B9D1: variants seen among roughly 807,000 people sequenced by gnomAD.
The protein encoded by B9D1 is B9 domain-containing protein 1.
Under a neutral mutation model 26.1 loss-of-function variants are expected in B9D1, and 20 were observed. The ratio of observed to expected loss-of-function variants is 0.77; its 90% CI spans 0.54 to 1.12. The LOEUF is 1.12. B9D1 is among the 50% of genes most tolerant of loss of function. The pLI, the probability that B9D1 is intolerant of heterozygous loss-of-function variation, is 0.00. For synonymous variants in B9D1, 105 were observed against 103.1 expected (o/e 1.02, Z -0.11); for missense variants, 260 against 273.7 (o/e 0.95, Z 0.35).
At chr17:19,360,193 G>T in intron 2 of B9D1, 127 bp downstream of exon 2, 2 of 879,342 alleles carry the variant, frequency 2.3e-6, no homozygotes, top group South Asian at 1.4e-5. Flanking sequence ...GAACACTCAT[G>T]TTTGGGTTCC....
downstream of B9D1, among the ~76,000 whole-genome samples, chr17:19,339,221 T>TTTTAGATTG (rs1907703600): frequency 6.6e-6 from 1 of 152,328 alleles, no homozygotes; most frequent in East Asian, 1.9e-4. Context: ...TGCTAATTTT[T>TTTTAGATTG]TTTAGATTGT....
chr17:19,340,037 C>G (rs993348495), downstream of B9D1, among the ~76,000 whole-genome samples: 1 of 21,546 alleles, frequency 4.6e-5, no homozygotes, highest in Non-Finnish European at 4.7e-4. Context: ...TGCCCAACCC[C>G]CCCCCCCCCC....
chr17:19,376,564 G>A (rs570363601), intron 1 of B9D1, among the ~76,000 whole-genome samples: 5 of 142,598 alleles, frequency 3.5e-5, no homozygotes, highest in African/African-American at 5.2e-5. Context: ...TGGATGACTT[G>A]AGGTCAGGAG....
In B9D1 at chr17:19,343,272, G is replaced by A. The variant is rs200124070; in HGVS notation, c.*47C>T. The stretch of plus-strand genomic sequence containing the variant: ...AGGCCGATGGGCAGCGGCTGACTTC[G>A]GGAAGGCAGCCCTTCATTATCAGAG... On this transcript the variant is annotated 3_prime_UTR_variant, in exon 7 of 7. Coordinates refer to ENST00000261499, the MANE Select transcript of B9D1 (RefSeq NM_015681.6). 217 of 1,612,846 alleles carry A rather than the reference G, an allele frequency of 1.3e-4. No individual in the cohort carries two copies. In the East Asian group the frequency reaches 2.7e-3, roughly 20 times the overall value.
intron 2 of B9D1, 137 bp from the exon 3 acceptor site, chr17:19,358,088 G>T: frequency 1.4e-6 from 1 of 709,440 alleles, no homozygotes; most frequent in Admixed American, 2.0e-5. Context: ...TCCAAACAAA[G>T]GGGACTAAGA....
intron 3 of B9D1, among the ~76,000 whole-genome samples, chr17:19,352,079 T>A (rs1426191453): frequency 6.6e-6 from 1 of 151,958 alleles, no homozygotes; most frequent in Admixed American, 6.6e-5. Context: ...AGAGACAGGG[T>A]CTCACCATGT....
intron 3 of B9D1, among the ~76,000 whole-genome samples, chr17:19,355,182 A>C (rs566657891): frequency 6.6e-6 from 1 of 152,246 alleles, no homozygotes; most frequent in Non-Finnish European, 1.5e-5. Context: ...TAATCTGCTG[A>C]ATTCCTGCTT....
At position 19,343,375 on chromosome 17, in the gene B9D1, G is replaced by A. The variant is rs969720058; in HGVS notation, c.559C>T (p.Pro187Ser). 5.6e-6 allele frequency: 9 copies of A among 1,614,048 alleles called. No homozygotes were observed. Among genetic ancestry groups the A allele is most frequent in the Non-Finnish European group, 7.6e-6 (9 of 1,180,026 alleles). ...CCCAACACACCCTGTGTATCAGAAGGCCCAGTGTCATAGCCCAGTTTCCTC... is the reference window on the plus strand; with the variant it reads ...CCCAACACACCCTGTGTATCAGAAGACCCAGTGTCATAGCCCAGTTTCCTC... The part of the protein sequence containing the change: ...DMRKLGYDTG[P>S]SDTQGVLGPS... The change falls in exon 7 of 7, where the codon CCT (proline) becomes TCT (serine). Residue 187 changes from proline to serine, a missense_variant. Physicochemically the swap from Pro to Ser is moderately conservative, Grantham distance 74. Transcript: ENST00000261499.
rs1367898769 is a variant in B9D1, at chr17:19,347,171, G to C, written c.404+98C>G. On this transcript the variant is annotated intron_variant, in intron 5 of 6. Coordinates refer to ENST00000261499, the MANE Select transcript of B9D1 (RefSeq NM_015681.6). The surrounding 1 kb of genome is among the most constrained non-coding windows in gnomAD (Gnocchi z 4.3). ...TCCTCAGTGGGTGGAGCAGCTTGCA[G>C]ATCTGAGGAGGCGACCAGGCACAAA... The C allele has an allele frequency of 6.2e-6, 10 of 1,613,452 alleles. No individual in the cohort carries two copies. The highest frequency in any genetic ancestry group is 7.6e-6 in the Non-Finnish European group (9 of 1,179,678).
chr17:19,339,505 GTT>G (rs1683118592), downstream of B9D1, among the ~76,000 whole-genome samples: 1 of 152,162 alleles, frequency 6.6e-6, no homozygotes, highest in Non-Finnish European at 1.5e-5. Context: ...GCCAACAAGA[GTT>G]TGTTTTTTCT....
intron 3 of B9D1, among the ~76,000 whole-genome samples, chr17:19,354,527 T>C (rs948414921): frequency 1.3e-5 from 2 of 152,246 alleles, no homozygotes. Flanking sequence ...GTGTACTAGC[T>C]GCTTTCAAGA....
intron 2 of B9D1, among the ~76,000 whole-genome samples, chr17:19,358,217 G>A (rs979880093): frequency 6.6e-6 from 1 of 152,128 alleles, no homozygotes; most frequent in Non-Finnish European, 1.5e-5. Context: ...TTGCCCCACT[G>A]AAGGAATGGT....
At chr17:19,352,134 C>T (rs1265137754) in intron 3 of B9D1, among the ~76,000 whole-genome samples, 1 of 152,130 alleles carries the variant, frequency 6.6e-6, no homozygotes, top group African/African-American at 2.4e-5. Context: ...GATCCTACCG[C>T]CTCAGCCTCC....
upstream of B9D1, among the ~76,000 whole-genome samples, chr17:19,366,006 C>T (rs1334496157): frequency 1.3e-5 from 2 of 151,936 alleles, no homozygotes; most frequent in Admixed American, 6.6e-5. Context: ...CCTACCTATC[C>T]GCCCAGAGAA....
downstream of B9D1, among the ~76,000 whole-genome samples, chr17:19,342,572 C>A (rs915503032): frequency 6.6e-6 from 1 of 152,054 alleles, no homozygotes; most frequent in Non-Finnish European, 1.5e-5. Flanking sequence ...AGGGTCAGGG[C>A]CTCCCAAAGT....
At chr17:19,362,964 C>T (rs1911335294), upstream of B9D1, 1 of 326,840 alleles carries the variant, frequency 3.1e-6, no homozygotes, top group Non-Finnish European at 6.1e-6. Context: ...GAGCTGAGTC[C>T]TGGGGAGCAG....
At chr17:19,362,205 AG>A (rs989302225) in intron 1 of B9D1, among the ~76,000 whole-genome samples, 16 of 152,226 alleles carry the variant, frequency 1.1e-4, no homozygotes, top group Admixed American at 2.6e-4. Context: ...TAACCCCAGG[AG>A]GCTCCTGCCA....
chr17:19,337,473 G>A (rs757330647), downstream of B9D1: 5 of 494,670 alleles, frequency 1.0e-5, no homozygotes, highest in South Asian at 1.4e-4. Flanking sequence ...TCTGCTCTCT[G>A]TGCAAGTGCC....
At position 19,343,440 on chromosome 17, in the gene B9D1, C is replaced by T. The variant is rs1191282778; in HGVS notation, c.494G>A (p.Gly165Asp). The change falls in exon 7 of 7, where the codon GGC (glycine) becomes GAC (aspartate). Residue 165 changes from glycine (G) to aspartate (D), a missense_variant. Physicochemically the swap from Gly to Asp is moderately conservative, Grantham distance 94 (BLOSUM62 -1). Coordinates refer to ENST00000261499, the MANE Select transcript of B9D1 (RefSeq NM_015681.6). ...GREVTRVRSQ[G>D]FVTLLFNVVT... is the part of the protein sequence containing the mutation. ...CACGTTGAAGAGGAGGGTGACAAAGCCCTGAGAACGGACACGGGTCACTGG... is the reference window on the plus strand; with the variant it reads ...CACGTTGAAGAGGAGGGTGACAAAGTCCTGAGAACGGACACGGGTCACTGG... 1 of 1,614,180 alleles carries T rather than the reference C, an allele frequency of 6.2e-7. No homozygotes were observed. Among genetic ancestry groups the T allele is most frequent in the African/African-American group, 1.3e-5 (1 of 75,036 alleles).
Sources: gnomAD v4.1 joint callset for allele counts (sites outside exome capture counted in the v4.1 genomes callset) on GRCh38, gnomAD v4.1.1 for gene constraint, Gnocchi (gnomAD v3.1) non-coding constraint, MANE v1.5 for transcripts, NCBI Gene and HGNC (gene_info 2026-07-23, HGNC 2026-07-21) for gene names.